Variants in CPA6 observed in about 807,000 individuals in gnomAD.
CPA6 encodes the protein carboxypeptidase A6.
In CPA6, 58 loss-of-function variants were observed where a neutral mutation model predicts 63.3. That is an observed-to-expected ratio of 0.92 (90% CI 0.74 to 1.14). The LOEUF (loss-of-function observed/expected upper bound fraction) is 1.14. Among genes scored for constraint, CPA6 ranks in the 50% most tolerant of loss-of-function variants. CPA6 has a pLI of 0.00. For synonymous variants in CPA6, 185 were observed against 179.0 expected (o/e 1.03, Z -0.27); for missense variants, 565 against 526.6 (o/e 1.07, Z -0.71).
chr8:67,645,971 C>T (rs1283248162), intron 1 of CPA6, among the ~76,000 whole-genome samples: 2 of 152,194 alleles, frequency 1.3e-5, no homozygotes, highest in Non-Finnish European at 2.9e-5. Context: ...TGCCTTAACT[C>T]TGCTTATCTT....
intron 2 of CPA6, among the ~76,000 whole-genome samples, chr8:67,543,764 TC>T (rs1291126079): frequency 8.7e-6 from 1 of 114,924 alleles, no homozygotes; most frequent in Non-Finnish European, 2.0e-5. Context: ...AATTCCCTTT[TC>T]CCCCTCCACT....
At chr8:67,435,908 A>T (rs1454290345) in intron 8 of CPA6, among the ~76,000 whole-genome samples, 7 of 151,528 alleles carry the variant, frequency 4.6e-5, no homozygotes, top group Non-Finnish European at 7.4e-5. Context: ...CCCTGACCCC[A>T]CATGGTCTCA....
At chr8:67,718,738 C>T (rs1817433097) in intron 1 of CPA6, among the ~76,000 whole-genome samples, 2 of 151,930 alleles carry the variant, frequency 1.3e-5, no homozygotes, top group Admixed American at 1.3e-4. Flanking sequence ...ACTCCAACTC[C>T]CAGGTTCAAG....
At chr8:67,519,147 G>T (rs1812209842) in intron 2 of CPA6, among the ~76,000 whole-genome samples, 1 of 152,198 alleles carries the variant, frequency 6.6e-6, no homozygotes, top group African/African-American at 2.4e-5. Flanking sequence ...TATTTTGCAG[G>T]AAAGCAGAAG....
intron 1 of CPA6, chr8:67,735,677 C>CTTTTTTTT (rs199533677): frequency 2.1e-5 from 3 of 145,188 alleles, no homozygotes; most frequent in Non-Finnish European, 4.5e-5. Context: ...TAGTGGCAGT[C>CTTTTTTTT]TTTTTTTTTT....
chr8:67,723,810 G>A (rs1817548332), intron 1 of CPA6, among the ~76,000 whole-genome samples: 1 of 152,062 alleles, frequency 6.6e-6, no homozygotes, highest in African/African-American at 2.4e-5. Context: ...AAAATCAGCA[G>A]GAAAACAATC....
intron 2 of CPA6, among the ~76,000 whole-genome samples, chr8:67,545,573 T>TC (rs1812797776): frequency 8.8e-6 from 1 of 113,782 alleles, no homozygotes; most frequent in Non-Finnish European, 2.1e-5. Flanking sequence ...CTTTTTTTTT[T>TC]TTTTTTTTTT....
chr8:67,735,439 T>C (rs1817793295), intron 1 of CPA6: 1 of 152,194 alleles, frequency 6.6e-6, no homozygotes, highest in Non-Finnish European at 1.5e-5. Flanking sequence ...GATAACTTAA[T>C]GAGGAAGAGA....
chr8:67,511,709 C>G, intron 3 of CPA6, 54 bp from the exon 4 acceptor site: 1 of 995,686 alleles, frequency 1.0e-6, no homozygotes, highest in Non-Finnish European at 1.6e-6. Flanking sequence ...TTGCAAAAAT[C>G]AGGCAACACC....
intron 2 of CPA6, among the ~76,000 whole-genome samples, chr8:67,522,814 G>A (rs1812287061): frequency 6.6e-6 from 1 of 152,230 alleles, no homozygotes. Flanking sequence ...GGCTGTGGTG[G>A]ATGCAGTGGG....
intron 2 of CPA6, among the ~76,000 whole-genome samples, chr8:67,578,591 G>T (rs989589200): frequency 6.6e-6 from 1 of 150,404 alleles, no homozygotes; most frequent in Non-Finnish European, 1.5e-5. Context: ...TGCATCTGGT[G>T]TCCTCTTCCT....
intron 7 of CPA6, 69 bp from the exon 8 acceptor site, chr8:67,483,927 CTCAA>C: frequency 8.0e-7 from 1 of 1,248,286 alleles, no homozygotes; most frequent in Non-Finnish European, 1.2e-6. Context: ...ATTTTAATAG[CTCAA>C]TCAATGAAAG....
chr8:67,578,399 C>T (rs563382965), intron 2 of CPA6, among the ~76,000 whole-genome samples: 128 of 152,318 alleles, frequency 8.4e-4, no homozygotes, highest in Non-Finnish European at 1.6e-3. Flanking sequence ...ACCTTCCCAA[C>T]CCATGACTTT....
intron 3 of CPA6, among the ~76,000 whole-genome samples, chr8:67,514,060 C>T (rs768823754): frequency 3.3e-5 from 5 of 151,732 alleles, no homozygotes; most frequent in South Asian, 2.1e-4. Flanking sequence ...CAAGTTCAAG[C>T]GATTCTCATG....
chr8:67,481,463 C>G (rs562392076), intron 8 of CPA6, among the ~76,000 whole-genome samples: 70 of 152,200 alleles, frequency 4.6e-4, no homozygotes, highest in Non-Finnish European at 8.2e-4. Context: ...AAAAAGTATG[C>G]CTGTCTGTAC....
intron 1 of CPA6, among the ~76,000 whole-genome samples, chr8:67,715,303 G>C (rs1817354622): frequency 6.6e-6 from 1 of 152,312 alleles, no homozygotes; most frequent in Admixed American, 6.5e-5. Context: ...GCTATAAACT[G>C]GGGGTTCCCA....
At chr8:67,670,498 G>A (rs1314209497) in intron 1 of CPA6, among the ~76,000 whole-genome samples, 1 of 152,142 alleles carries the variant, frequency 6.6e-6, no homozygotes, top group African/African-American at 2.4e-5. Context: ...TAGCAGCATG[G>A]TTAGGTAATA....
At chr8:67,523,413 C>A (rs1812299876) in intron 2 of CPA6, among the ~76,000 whole-genome samples, 2 of 152,002 alleles carry the variant, frequency 1.3e-5, no homozygotes, top group Admixed American at 1.3e-4. Flanking sequence ...CCTGTAGTCC[C>A]AGCTACTTGG....
At chr8:67,465,705 T>C (rs778623843) in intron 8 of CPA6, among the ~76,000 whole-genome samples, 63 of 152,182 alleles carry the variant, frequency 4.1e-4, no homozygotes, top group Non-Finnish European at 7.9e-4. Context: ...TTTTCCCATG[T>C]CTATTGAGAT....
Sources: gnomAD v4.1 joint callset for allele counts (sites outside exome capture counted in the v4.1 genomes callset) on GRCh38, gnomAD v4.1.1 for gene constraint, MANE v1.5 for transcripts, NCBI Gene and HGNC (gene_info 2026-07-23, HGNC 2026-07-21) for gene names.